The following LINGO2 variants were observed in gnomAD, a reference collection of about 807,000 sequenced individuals.
The protein encoded by LINGO2 is leucine rich repeat and Ig domain containing 2.
Under a neutral mutation model 30.6 loss-of-function variants are expected in LINGO2, and 14 were observed. The observed-to-expected ratio is 0.46, with a 90% CI of 0.30 to 0.72. LINGO2 has a LOEUF of 0.72. Ranked by LOEUF, LINGO2 falls within the 30% of genes least tolerant of loss-of-function variation. The probability of loss-of-function intolerance (pLI) is 0.07; values close to 1 mark genes in which losing one functional copy is unlikely to be tolerated. For missense variants in LINGO2, 729 were observed against 751.7 expected, an observed-to-expected ratio of 0.97 and a Z score of 0.35; for synonymous variants, 317 against 288.5, an observed-to-expected ratio of 1.10 and a Z score of -1.00.
At chr9:29,164,348 A>G in the LINGO2 span, among the ~76,000 whole-genome samples, 1 of 152,176 alleles carries the variant, frequency 6.6e-6, no homozygotes, top group South Asian at 2.1e-4. Flanking sequence ...GCCGTAGTAG[A>G]TAACATACAA....
intron 1 of LINGO2, among the ~76,000 whole-genome samples, chr9:28,543,624 AT>A (rs1410032046): frequency 5.3e-5 from 8 of 152,108 alleles, no homozygotes; most frequent in African/African-American, 1.9e-4. Flanking sequence ...GTATAAAAAA[AT>A]CTCCTTACTT....
intron 4 of LINGO2, among the ~76,000 whole-genome samples, chr9:28,073,843 T>C (rs1825550260): frequency 6.6e-6 from 1 of 152,160 alleles, no homozygotes; most frequent in Admixed American, 6.6e-5. Flanking sequence ...GCCTGGACAA[T>C]ATAGCCACAC....
chr9:29,171,808 A>C, the LINGO2 span, among the ~76,000 whole-genome samples: 1 of 151,942 alleles, frequency 6.6e-6, no homozygotes. Context: ...ATAGAAAAGT[A>C]CTACAAAGAT....
chr9:28,688,701 A>G, the LINGO2 span, among the ~76,000 whole-genome samples: 498 of 152,322 alleles, frequency 3.3e-3, 4 homozygotes, highest in Middle Eastern at 0.01. Flanking sequence ...GCAGGCAGAT[A>G]TAATAACCTA....
At chr9:28,599,875 C>A (rs1385844170) in intron 1 of LINGO2, among the ~76,000 whole-genome samples, 2 of 151,970 alleles carry the variant, frequency 1.3e-5, no homozygotes, top group African/African-American at 4.8e-5. Context: ...TCCTGTTAGG[C>A]AAGGAAACAA....
intron 3 of LINGO2, among the ~76,000 whole-genome samples, chr9:28,312,196 T>G (rs998912098): frequency 4.0e-5 from 6 of 148,258 alleles, no homozygotes; most frequent in Non-Finnish European, 6.0e-5. Flanking sequence ...CTGGTCAATC[T>G]TTTTACTTTG....
chr9:28,166,725 G>T (rs1828436448), intron 4 of LINGO2, among the ~76,000 whole-genome samples: 1 of 149,998 alleles, frequency 6.7e-6, no homozygotes, highest in Non-Finnish European at 1.5e-5. Context: ...CATTATTGAT[G>T]ATATTTCCTT....
At chr9:28,838,643 A>G in the LINGO2 span, among the ~76,000 whole-genome samples, 2 of 151,988 alleles carry the variant, frequency 1.3e-5, no homozygotes, top group Admixed American at 1.3e-4. Flanking sequence ...TCATTCTCCT[A>G]TATATTCTCC....
At chr9:28,119,328 C>A (rs752661178) in intron 4 of LINGO2, among the ~76,000 whole-genome samples, 1 of 152,096 alleles carries the variant, frequency 6.6e-6, no homozygotes, top group Non-Finnish European at 1.5e-5. Context: ...GGTTTCACCA[C>A]GTTCTCCAGA....
At chr9:28,988,065 T>G in the LINGO2 span, among the ~76,000 whole-genome samples, 1 of 152,200 alleles carries the variant, frequency 6.6e-6, no homozygotes, top group Admixed American at 6.5e-5. Flanking sequence ...GAAGTGTTGT[T>G]CAGTTCCAGT....
downstream of LINGO2, chr9:27,943,100 T>G (rs1237490078): frequency 1.3e-5 from 1 of 79,514 alleles, no homozygotes; most frequent in African/African-American, 3.5e-5. Context: ...TGAATTAATC[T>G]CCTGTTTATT....
chr9:28,730,994 A>ATT, the LINGO2 span, among the ~76,000 whole-genome samples: 1 of 146,882 alleles, frequency 6.8e-6, no homozygotes, highest in South Asian at 2.1e-4. Context: ...ACTCCTGAGA[A>ATT]TTTTTTTTTT....
In LINGO2 at chr9:28,288,708, A is replaced by G. The variant is rs73431320; in HGVS notation, c.-87+6500T>C. 8.4e-3 allele frequency among the ~76,000 whole-genome samples: 1,278 copies of G among 152,328 alleles called. 24 individuals carry two copies. The highest frequency in any genetic ancestry group is 0.029 in the African/African-American group (1,214 of 41,576). On this transcript the variant is annotated intron_variant, in intron 4 of 5. Coordinates refer to ENST00000379992, the Ensembl canonical transcript of LINGO2. ...TGCAGCCAGAAAGTATTTAAGAGTC[A>G]CATGAGATTTTTCATGAGGGAATCA... is the stretch of plus-strand genomic sequence containing the variant.
chr9:28,326,366 T>G (rs2134323482), intron 3 of LINGO2, among the ~76,000 whole-genome samples: 1 of 152,306 alleles, frequency 6.6e-6, no homozygotes, highest in South Asian at 2.1e-4. Context: ...CAATGTCGGT[T>G]TTTTCCTCAG....
At chr9:28,509,884 A>G (rs192482467) in intron 1 of LINGO2, among the ~76,000 whole-genome samples, 103 of 152,356 alleles carry the variant, frequency 6.8e-4, no homozygotes, top group African/African-American at 2.4e-3. Flanking sequence ...ACTTATTGTG[A>G]TATTTTAACA....
the LINGO2 span, among the ~76,000 whole-genome samples, chr9:29,189,793 C>A: frequency 6.6e-6 from 1 of 152,194 alleles, no homozygotes; most frequent in African/African-American, 2.4e-5. Context: ...GCGGATCACT[C>A]GCGGTTAGGA....
chr9:28,166,779 A>G (rs1159027102), intron 4 of LINGO2, among the ~76,000 whole-genome samples: 2 of 151,890 alleles, frequency 1.3e-5, no homozygotes, highest in African/African-American at 4.8e-5. Context: ...ATTTCTCGGC[A>G]AAAAACAAAA....
At chr9:28,716,458 T>A in the LINGO2 span, among the ~76,000 whole-genome samples, 1 of 152,040 alleles carries the variant, frequency 6.6e-6, no homozygotes, top group Non-Finnish European at 1.5e-5. Context: ...CCTGACACAA[T>A]GACATAATTC....
chr9:28,804,100 T>C, the LINGO2 span, among the ~76,000 whole-genome samples: 27,509 of 152,026 alleles, frequency 0.18, 2,672 homozygotes, highest in East Asian at 0.32. Flanking sequence ...TTAAATTCTC[T>C]TGTTGCTCTT....
Sources: gnomAD v4.1 joint callset for allele counts (sites outside exome capture counted in the v4.1 genomes callset) on GRCh38, gnomAD v4.1.1 for gene constraint, MANE v1.5 for transcripts, NCBI Gene and HGNC (gene_info 2026-07-23, HGNC 2026-07-21) for gene names.